Variants in RBFOX1 observed in about 807,000 individuals in gnomAD.
RBFOX1 encodes the protein RNA binding fox-1 homolog 1.
A neutral mutation model predicts 57.7 loss-of-function variants in RBFOX1; 8 were observed. That is an observed-to-expected ratio of 0.14 (90% CI 0.08 to 0.25). RBFOX1 has a LOEUF of 0.25. Among genes scored for constraint, RBFOX1 ranks in the 10% least tolerant of loss-of-function variants. The pLI is 1.00. For synonymous variants in RBFOX1, 326 were observed against 222.4 expected (o/e 1.47, Z -4.15); for missense variants, 611 against 548.5 (o/e 1.11, Z -1.14).
intron 3 of RBFOX1, among the ~76,000 whole-genome samples, chr16:7,050,264 C>CTTTTTTTTTTT (rs60550468): frequency 8.3e-6 from 1 of 121,132 alleles, no homozygotes; most frequent in African/African-American, 3.0e-5. Context: ...TTATTTTTAT[C>CTTTTTTTTTTT]TTTTTTTTTT....
At position 6,794,177 on chromosome 16, in the gene RBFOX1, C is replaced by T. The variant is rs77554860; in HGVS notation, c.-16+139527C>T. ...TTCCCTAAGTTCTTCCCATCACTAC[C>T]TGGAGAAGTTGATGCGGGATTACTG... On this transcript the variant is annotated intron_variant, in intron 3 of 15. Transcript: ENST00000550418. Among the ~76,000 whole-genome samples the T allele has an allele frequency of 0.022, 3,292 of 152,132 alleles. 258 individuals carry two copies. In the East Asian group the frequency reaches 0.28, roughly 13 times the overall value.
At chr16:6,275,311 A>G (rs199948864) in intron 1 of RBFOX1, among the ~76,000 whole-genome samples, 148 of 940 alleles carry the variant, frequency 0.16, 1 homozygote, top group South Asian at 0.52. Flanking sequence ...ACTCCATCTC[A>G]AAAAAAAAAA....
intron 2 of RBFOX1, among the ~76,000 whole-genome samples, chr16:5,514,231 G>T (rs1235216643): frequency 6.6e-6 from 1 of 152,192 alleles, no homozygotes; most frequent in Non-Finnish European, 1.5e-5. Flanking sequence ...AGGGTCTACT[G>T]TTGGCTGACC....
chr16:7,216,743 C>A (rs916568126), intron 4 of RBFOX1, among the ~76,000 whole-genome samples: 1 of 152,068 alleles, frequency 6.6e-6, no homozygotes, highest in African/African-American at 2.4e-5. Context: ...ACTCCAGAAG[C>A]CTGAGCTATT....
At chr16:6,757,041 A>T (rs955694667) in intron 3 of RBFOX1, among the ~76,000 whole-genome samples, 1 of 1,264 alleles carries the variant, frequency 7.9e-4, no homozygotes, top group Admixed American at 0.062. Flanking sequence ...AACAGGTATA[A>T]AAAAAATGCT....
chr16:5,625,111 C>A (rs114231922), intron 3 of RBFOX1, among the ~76,000 whole-genome samples: 3 of 152,094 alleles, frequency 2.0e-5, no homozygotes, highest in Admixed American at 2.0e-4. Flanking sequence ...CCCAGCGTTA[C>A]CATTTTGCAT....
chr16:6,905,606 T>G (rs542973232), intron 3 of RBFOX1, among the ~76,000 whole-genome samples: 3 of 150,906 alleles, frequency 2.0e-5, no homozygotes, highest in Non-Finnish European at 4.4e-5. Context: ...ATCTAGCTAG[T>G]AGGTTGGACT....
rs145282409 is a variant in RBFOX1 at position 7,477,335 on chromosome 16, C to G, written c.28-40812C>G. On this transcript the variant is annotated intron_variant, in intron 4 of 15. Coordinates refer to ENST00000550418, the MANE Select transcript of RBFOX1 (RefSeq NM_018723.4). ...ATATCATCTATTTCAGTTTGTATCT[C>G]CAAACAGCCCTAAATCATTGTGAGG... 4.0e-3 allele frequency among the ~76,000 whole-genome samples: 608 copies of G among 152,288 alleles called. 3 individuals are homozygous for G. Among genetic ancestry groups the G allele is most frequent in the African/African-American group, 0.014 (579 of 41,546 alleles).
intron 3 of RBFOX1, among the ~76,000 whole-genome samples, chr16:6,848,302 G>C (rs79063674): frequency 6.6e-6 from 1 of 152,102 alleles, no homozygotes; most frequent in Admixed American, 6.5e-5. Flanking sequence ...GCATAGTATG[G>C]CCAGGCTTTC....
At chr16:6,767,932 TAATAATAATAATAATAAGAAGAAGAAG>T (rs1364269824) in intron 3 of RBFOX1, among the ~76,000 whole-genome samples, 1,302 of 94,774 alleles carry the variant, frequency 0.014, 15 homozygotes, top group African/African-American at 0.059. Flanking sequence ...ATAATAATAA[TAATAATAATAATAATAAGAAGAAGAAG>T]AAGAAGAAGA....
chr16:7,417,897 T>G (rs1340468096), intron 4 of RBFOX1, among the ~76,000 whole-genome samples: 1 of 152,178 alleles, frequency 6.6e-6, no homozygotes, highest in Non-Finnish European at 1.5e-5. Context: ...TCCCTTTTCC[T>G]GCAGATGTAT....
intron 3 of RBFOX1, among the ~76,000 whole-genome samples, chr16:5,865,744 G>A (rs1329633765): frequency 1.3e-5 from 2 of 152,204 alleles, no homozygotes; most frequent in Non-Finnish European, 2.9e-5. Flanking sequence ...ACCATGGACT[G>A]CAGCTTAACC....
chr16:7,234,387 C>T (rs892367269), intron 4 of RBFOX1, among the ~76,000 whole-genome samples: 9 of 152,030 alleles, frequency 5.9e-5, no homozygotes, highest in Admixed American at 6.6e-5. Context: ...GCCAGCAAAA[C>T]CACAAAGTGG....
intron 3 of RBFOX1, among the ~76,000 whole-genome samples, chr16:6,752,087 T>C (rs2075032325): frequency 6.6e-6 from 1 of 152,182 alleles, no homozygotes; most frequent in Non-Finnish European, 1.5e-5. Flanking sequence ...TGGGCGTCCA[T>C]CTACTCCGGT....
At chr16:7,668,607 A>G (rs1223788254) in intron 13 of RBFOX1, among the ~76,000 whole-genome samples, 1 of 152,024 alleles carries the variant, frequency 6.6e-6, no homozygotes, top group Non-Finnish European at 1.5e-5. Context: ...TTGTCTGAGA[A>G]TGGAGGGTAG....
chr16:7,383,776 G>A, intron 4 of RBFOX1, among the ~76,000 whole-genome samples: 1 of 152,042 alleles, frequency 6.6e-6, no homozygotes, highest in East Asian at 1.9e-4. Context: ...CCCAAGTATG[G>A]CCTGGCGAGG....
intron 4 of RBFOX1, among the ~76,000 whole-genome samples, chr16:7,330,005 C>G (rs1450795006): frequency 6.6e-6 from 1 of 152,090 alleles, no homozygotes; most frequent in Non-Finnish European, 1.5e-5. Flanking sequence ...GTACTGAATA[C>G]TGTAGGTGAT....
At chr16:6,330,151 T>C (rs1056969723) in intron 2 of RBFOX1, among the ~76,000 whole-genome samples, 4 of 152,194 alleles carry the variant, frequency 2.6e-5, no homozygotes, top group Non-Finnish European at 5.9e-5. Flanking sequence ...ATACTTAGTA[T>C]GCAAATATTC....
At chr16:6,149,476 A>C (rs989902478) in intron 1 of RBFOX1, among the ~76,000 whole-genome samples, 2 of 152,194 alleles carry the variant, frequency 1.3e-5, no homozygotes, top group Non-Finnish European at 2.9e-5. Context: ...ATTCTTAGTA[A>C]TTATTCCGTG....
Sources: allele counts gnomAD v4.1 joint callset (sites outside exome capture counted in the v4.1 genomes callset), GRCh38; gene constraint gnomAD v4.1.1; transcripts MANE v1.5; gene names NCBI Gene and HGNC (gene_info 2026-07-23, HGNC 2026-07-21).